Variants in DIP2C observed in about 807,000 individuals in gnomAD.
The protein encoded by DIP2C is DIP2 acetate--CoA ligase C (putative).
In DIP2C, 33 loss-of-function variants were observed where a neutral mutation model predicts 192.4. That is an observed-to-expected ratio of 0.17 (90% CI 0.13 to 0.23). DIP2C has a LOEUF of 0.23. DIP2C is among the 10% of genes least tolerant of loss of function. The probability of loss-of-function intolerance (pLI) is 1.00; values close to 1 mark genes in which losing one functional copy is unlikely to be tolerated. For synonymous variants in DIP2C, 979 were observed against 864.1 expected, an observed-to-expected ratio of 1.13 and a Z score of -2.33; for missense variants, 1,537 against 2,110.1, an observed-to-expected ratio of 0.73 and a Z score of 5.32.
chr10:299,527 T>C (rs1302393419), intron 32 of DIP2C, among the ~76,000 whole-genome samples: 1 of 152,200 alleles, frequency 6.6e-6, no homozygotes, highest in African/African-American at 2.4e-5. Flanking sequence ...ATGACATAAA[T>C]GTAAGAGATA....
chr10:364,423 C>T lies in DIP2C; in HGVS notation c.2428G>A (p.Val810Met). 3.7e-6 allele frequency: 6 copies of T among 1,614,052 alleles called. No homozygotes were observed. The highest frequency in any genetic ancestry group is 5.1e-6 in the Non-Finnish European group (6 of 1,180,046). ...SGRRHNADDI[V>M]ATALAVEPMK... ...GGTTCTACGGCCAGCGCAGTGGCCA[C>T]GATGTCGTCGGCGTTGTGCCTGCGC... The change falls in exon 20 of 37, where the codon GTG (valine) becomes ATG (methionine). Residue 810 changes from valine to methionine, a missense_variant. Physicochemically the swap from Val to Met is conservative, Grantham distance 21. This residue lies in a region of DIP2C where 677 missense variants were observed against 989.9 expected (regional missense o/e 0.68). Coordinates refer to ENST00000280886, the MANE Select transcript of DIP2C (RefSeq NM_014974.3).
At chr10:445,758 TCACAGGAC>T (rs902658185) in intron 3 of DIP2C, among the ~76,000 whole-genome samples, 1 of 151,772 alleles carries the variant, frequency 6.6e-6, no homozygotes, top group Non-Finnish European at 1.5e-5. Context: ...GTGAAGAGTC[TCACAGGAC>T]CACTGGGCAT....
At chr10:537,436 C>A (rs920693202) in intron 1 of DIP2C, among the ~76,000 whole-genome samples, 6 of 152,198 alleles carry the variant, frequency 3.9e-5, no homozygotes, top group South Asian at 2.1e-4. Flanking sequence ...CCTTTCAATT[C>A]GCCTCTTTTC....
At chr10:365,216 A>G (rs1960044672) in intron 19 of DIP2C, among the ~76,000 whole-genome samples, 2 of 152,226 alleles carry the variant, frequency 1.3e-5, no homozygotes, top group African/African-American at 4.8e-5. Flanking sequence ...GTACTGTAAC[A>G]TCTGTTCAGC....
At chr10:603,162 T>A (rs539956035) in intron 1 of DIP2C, among the ~76,000 whole-genome samples, 49 of 151,870 alleles carry the variant, frequency 3.2e-4, no homozygotes, top group African/African-American at 1.2e-3. Flanking sequence ...ATACTAAGTA[T>A]ATAAAACAGG....
intron 7 of DIP2C, 39 bp from the exon 8 acceptor site, chr10:414,149 A>G (rs1233871167): frequency 1.1e-5 from 17 of 1,580,440 alleles, no homozygotes; most frequent in Non-Finnish European, 1.5e-5. Flanking sequence ...AGAGAAATGC[A>G]TCCACATTAG....
chr10:561,164 G>A (rs1425515794), intron 1 of DIP2C, among the ~76,000 whole-genome samples: 1 of 152,194 alleles, frequency 6.6e-6, no homozygotes, highest in Non-Finnish European at 1.5e-5. Context: ...TAGGTTCTTA[G>A]TATCTCCTGA....
At chr10:660,507 T>C (rs1856689903) in intron 1 of DIP2C, among the ~76,000 whole-genome samples, 1 of 152,206 alleles carries the variant, frequency 6.6e-6, no homozygotes, top group South Asian at 2.1e-4. Flanking sequence ...TCAAGCTCTG[T>C]GTATGAAACA....
intron 32 of DIP2C, among the ~76,000 whole-genome samples, chr10:297,216 A>ACAAAT (rs1039289935): frequency 7.3e-6 from 1 of 137,826 alleles, no homozygotes; most frequent in African/African-American, 2.8e-5. Context: ...ACAAAACAAA[A>ACAAAT]CCAACCCCCC....
At chr10:369,766 T>TGCCC in intron 17 of DIP2C, 133 bp from the exon 18 acceptor site, 1 of 1,488,938 alleles carries the variant, frequency 6.7e-7, no homozygotes, top group Non-Finnish European at 9.2e-7. Context: ...CAGTGCTGGC[T>TGCCC]GCCCATGTGG....
Position 672,508 on chromosome 10 carries a change from C to T in DIP2C, c.85+16986G>A, listed in dbSNP as rs543051011. ...GGGGAGCCAGAGATGAGCAGGTTCA[C>T]ATCCATCAAATGCGGCTGCAATCCC... On this transcript the variant is annotated intron_variant, in intron 1 of 36. Transcript: ENST00000280886. Among the ~76,000 whole-genome samples, 29 of 152,318 alleles carry T rather than the reference C, an allele frequency of 1.9e-4. No homozygotes were observed. The South Asian group carries it at 5.4e-3, about 28-fold the overall frequency.
intron 1 of DIP2C, among the ~76,000 whole-genome samples, chr10:533,100 C>A (rs1847511452): frequency 6.6e-6 from 1 of 152,162 alleles, no homozygotes; most frequent in Admixed American, 6.5e-5. Context: ...TCTCACAGCT[C>A]GAGGGTTTTC....
intron 1 of DIP2C, among the ~76,000 whole-genome samples, chr10:519,612 G>A (rs1846570885): frequency 6.6e-6 from 1 of 152,226 alleles, no homozygotes; most frequent in Admixed American, 6.5e-5. Context: ...CACAGTGGGT[G>A]CAGCCTTGCC....
At chr10:471,903 C>T (rs895492661) in intron 3 of DIP2C, among the ~76,000 whole-genome samples, 1 of 152,114 alleles carries the variant, frequency 6.6e-6, no homozygotes, top group Non-Finnish European at 1.5e-5. Context: ...CAGGTGCCCA[C>T]CACCACGCCC....
chr10:614,967 G>A (rs1853354227), intron 1 of DIP2C, among the ~76,000 whole-genome samples: 1 of 152,222 alleles, frequency 6.6e-6, no homozygotes, highest in African/African-American at 2.4e-5. Flanking sequence ...AAGAGACAAT[G>A]ACACCCAGCT....
At chr10:361,343 GCT>G (rs987840327) in intron 22 of DIP2C, among the ~76,000 whole-genome samples, 6 of 152,146 alleles carry the variant, frequency 3.9e-5, no homozygotes, top group African/African-American at 1.2e-4. Context: ...GAGGTTGCTG[GCT>G]CTGTCTCCCC....
At chr10:568,335 G>C (rs550448762) in intron 1 of DIP2C, among the ~76,000 whole-genome samples, 1 of 152,292 alleles carries the variant, frequency 6.6e-6, no homozygotes, top group Admixed American at 6.5e-5. Context: ...CGTGAAATCA[G>C]AGCTAGAGTT....
intron 1 of DIP2C, among the ~76,000 whole-genome samples, chr10:537,059 C>G (rs940793646): frequency 2.6e-5 from 4 of 152,238 alleles, no homozygotes; most frequent in Non-Finnish European, 5.9e-5. Context: ...TGCACCCTGT[C>G]AGGCAGCCTG....
intron 1 of DIP2C, among the ~76,000 whole-genome samples, chr10:547,454 T>C (rs1360493203): frequency 6.6e-6 from 1 of 151,576 alleles, no homozygotes; most frequent in Non-Finnish European, 1.5e-5. Flanking sequence ...GGAAGGAAGG[T>C]TGACAGCGAA....
Sources: allele counts gnomAD v4.1 joint callset (sites outside exome capture counted in the v4.1 genomes callset), GRCh38; gene constraint gnomAD v4.1.1; regional missense constraint gnomAD v4.1.1; transcripts MANE v1.5; gene names NCBI Gene and HGNC (gene_info 2026-07-23, HGNC 2026-07-21).